The following CPPED1 variants were observed in gnomAD, a reference collection of about 807,000 sequenced individuals.
The protein encoded by CPPED1 is serine/threonine-protein phosphatase CPPED1.
A neutral mutation model predicts 28.0 loss-of-function variants in CPPED1; 28 were observed. The observed-to-expected ratio is 1.00, with a 90% CI of 0.74 to 1.37. CPPED1 has a LOEUF of 1.37. Ranked by LOEUF, CPPED1 falls within the 40% of genes most tolerant of loss-of-function variation. The pLI, the probability that CPPED1 is intolerant of heterozygous loss-of-function variation, is 0.00. For missense variants in CPPED1, 504 were observed against 416.5 expected (o/e 1.21, Z -1.83); for synonymous variants, 198 against 180.2 (o/e 1.10, Z -0.79).
At chr16:12,744,284 G>GC (rs1359830600) in intron 2 of CPPED1, among the ~76,000 whole-genome samples, 1 of 146,032 alleles carries the variant, frequency 6.8e-6, no homozygotes, top group African/African-American at 2.7e-5. Context: ...GAGAGAGAGA[G>GC]AGAGAGAGAG....
chr16:12,748,630 A>T (rs997749166), intron 2 of CPPED1, among the ~76,000 whole-genome samples: 1 of 152,184 alleles, frequency 6.6e-6, no homozygotes, highest in African/African-American at 2.4e-5. Context: ...TCATGCCTGT[A>T]ATCCCAGCAC....
intron 2 of CPPED1, among the ~76,000 whole-genome samples, chr16:12,744,291 AGAGAGAAAGC>A (rs1453050749): frequency 1.4e-3 from 197 of 138,802 alleles, no homozygotes; most frequent in East Asian, 5.7e-3. Flanking sequence ...AGAGAGAGAG[AGAGAGAAAGC>A]AAGCAAGCAA....
chr16:12,673,711 C>T (rs962200773), intron 3 of CPPED1, among the ~76,000 whole-genome samples: 2 of 152,086 alleles, frequency 1.3e-5, no homozygotes, highest in Non-Finnish European at 2.9e-5. Flanking sequence ...TGTGACCAAA[C>T]GAGGATTCTT....
intron 2 of CPPED1, chr16:12,760,341 T>C (rs1264618200): frequency 6.6e-6 from 1 of 152,224 alleles, no homozygotes; most frequent in African/African-American, 2.4e-5. Flanking sequence ...AGGATGATGA[T>C]AATTGATTGC....
At chr16:12,716,888 T>G (rs1423039734) in intron 2 of CPPED1, among the ~76,000 whole-genome samples, 1 of 151,526 alleles carries the variant, frequency 6.6e-6, no homozygotes, top group Non-Finnish European at 1.5e-5. Flanking sequence ...TGGTGTTGCA[T>G]GAGTTATGAA....
chr16:12,754,230 T>C (rs776503470), intron 2 of CPPED1, among the ~76,000 whole-genome samples: 28 of 152,170 alleles, frequency 1.8e-4, no homozygotes, highest in Admixed American at 7.9e-4. Flanking sequence ...TGAAATAATA[T>C]TGATTTTAAA....
intron 2 of CPPED1, among the ~76,000 whole-genome samples, chr16:12,707,385 G>A (rs577255290): frequency 2.0e-5 from 3 of 152,308 alleles, no homozygotes; most frequent in Admixed American, 2.0e-4. Context: ...TGGACACCCA[G>A]TGGAGGAGTG....
rs544010656 is a variant in CPPED1 at position 12,709,903 on chromosome 16, G to C, written c.290-4854C>G. Among the ~76,000 whole-genome samples the C allele has an allele frequency of 9.0e-6, 1 of 111,376 alleles. No individual in the cohort carries two copies. Among genetic ancestry groups the C allele is most frequent in the South Asian group, 3.1e-4 (1 of 3,224 alleles). 73.1% of individuals were successfully genotyped at this position (111,376 alleles called of 152,430 possible). A position where few individuals can be genotyped will look rare whatever the true frequency, so the allele number is the denominator to read the frequency against. On this transcript the variant is annotated intron_variant, in intron 2 of 3. Coordinates refer to ENST00000381774, the MANE Select transcript of CPPED1 (RefSeq NM_018340.3). The surrounding 1 kb of genome is among the most constrained non-coding windows in gnomAD (Gnocchi z 4.4). ...GAAGGAAGGGAAGGAAGGGAAAGAC[G>C]GGGGGAAGGAAGGGAAGGAAGGGAA...
intron 2 of CPPED1, among the ~76,000 whole-genome samples, chr16:12,732,494 GGA>G (rs35298221): frequency 0.81 from 117,267 of 145,272 alleles, 47,383 homozygotes; most frequent in African/African-American, 0.91. Context: ...ACACACAGAT[GGA>G]GAGAGAGAGA....
intron 2 of CPPED1, among the ~76,000 whole-genome samples, chr16:12,728,856 A>G (rs79945233): frequency 0.016 from 2,364 of 152,304 alleles, 61 homozygotes; most frequent in African/African-American, 0.054. Context: ...CTTGGGCAAC[A>G]TACGGAGACC....
At chr16:12,687,761 T>C (rs1040311564) in intron 3 of CPPED1, among the ~76,000 whole-genome samples, 3 of 152,128 alleles carry the variant, frequency 2.0e-5, no homozygotes, top group Admixed American at 1.3e-4. Flanking sequence ...TCCTGTGTAT[T>C]GATGGATTAA....
intron 3 of CPPED1, among the ~76,000 whole-genome samples, chr16:12,695,054 A>G (rs1388320844): frequency 6.6e-6 from 1 of 152,164 alleles, no homozygotes; most frequent in Non-Finnish European, 1.5e-5. Flanking sequence ...CTGGTATTAC[A>G]GGCATGAGCC....
intron 1 of CPPED1, among the ~76,000 whole-genome samples, chr16:12,783,510 TTAAATAAA>T (rs148620561): frequency 1.1e-4 from 17 of 151,056 alleles, no homozygotes; most frequent in African/African-American, 3.4e-4. Flanking sequence ...AATAAATAAA[TTAAATAAA>T]TAAATAAATA....
Position 12,693,173 on chromosome 16 carries a change from G to A in CPPED1, c.715+11451C>T, listed in dbSNP as rs138232790. Among the ~76,000 whole-genome samples the A allele has an allele frequency of 4.0e-3, 612 of 152,260 alleles. 4 individuals carry two copies. The highest frequency in any genetic ancestry group is 0.014 in the African/African-American group (587 of 41,544). On this transcript the variant is annotated intron_variant, in intron 3 of 3. Coordinates refer to ENST00000381774, the MANE Select transcript of CPPED1 (RefSeq NM_018340.3). ...AAGGTCCTGATAGAGGGGCTCCCAG[G>A]ACAATGTCTGGCACCCAGGAGGCTT...
At chr16:12,766,286 G>C in intron 2 of CPPED1, among the ~76,000 whole-genome samples, 1 of 145,230 alleles carries the variant, frequency 6.9e-6, no homozygotes, top group African/African-American at 2.7e-5. Flanking sequence ...GGGAGAGAGA[G>C]AGAGAGAAAG....
chr16:12,678,501 C>T (rs1394867890), intron 3 of CPPED1, among the ~76,000 whole-genome samples: 2 of 152,158 alleles, frequency 1.3e-5, no homozygotes, highest in Admixed American at 1.3e-4. Flanking sequence ...GGGGGAAATG[C>T]CGTATTAACA....
rs1263144374 is a variant in CPPED1, at chr16:12,659,913, G to T, written c.*4973C>A. 1.3e-5 allele frequency: 2 copies of T among 152,356 alleles called. No individual in the cohort carries two copies. The highest frequency in any genetic ancestry group is 2.9e-5 in the Non-Finnish European group (2 of 68,170). 9.4% of individuals were successfully genotyped at this position (152,356 alleles called of 1,614,324 possible). On this transcript the variant is annotated 3_prime_UTR_variant, in exon 4 of 4. Transcript: ENST00000381774. ...GCAGGCATGTCTTACATGGCAACAG[G>T]AAAGAAAGAGTGTGAAGGAGCTATC...
At chr16:12,731,646 G>A (rs2080198271) in intron 2 of CPPED1, among the ~76,000 whole-genome samples, 2 of 151,530 alleles carry the variant, frequency 1.3e-5, no homozygotes, top group Non-Finnish European at 2.9e-5. Context: ...CCTTCATCAC[G>A]CGATGGTGAA....
rs2080545103 is a variant in CPPED1, at chr16:12,783,582, T to A, written c.71-2179A>T. On this transcript the variant is annotated intron_variant, in intron 1 of 3. Transcript: ENST00000381774. ...AAGTGGTGACATTTAAGCTGAGATC[T>A]AAATGGCAAGTAAGGGCCAGTGATA... Among the ~76,000 whole-genome samples the A allele has an allele frequency of 2.0e-5, 3 of 152,254 alleles. No homozygotes were observed. The South Asian group carries it at 6.2e-4, about 32-fold the overall frequency.
Sources: gnomAD v4.1 joint callset for allele counts (sites outside exome capture counted in the v4.1 genomes callset) on GRCh38, gnomAD v4.1.1 for gene constraint, Gnocchi (gnomAD v3.1) non-coding constraint, MANE v1.5 for transcripts, NCBI Gene and HGNC (gene_info 2026-07-23, HGNC 2026-07-21) for gene names.